Variants in PTPA observed in about 807,000 individuals in gnomAD.
The protein encoded by PTPA is serine/threonine-protein phosphatase 2A activator.
PTPA carries 13 observed loss-of-function variants against 43.6 expected under a neutral mutation model. That is an observed-to-expected ratio of 0.30 (90% CI 0.19 to 0.47). The LOEUF (loss-of-function observed/expected upper bound fraction) is 0.47, where lower values mean the gene tolerates loss of function less well. PTPA is among the 20% of genes least tolerant of loss of function. The pLI is 0.99. For missense variants in PTPA, 329 were observed against 411.9 expected, an observed-to-expected ratio of 0.80 and a Z score of 1.74; for synonymous variants, 172 against 158.2, an observed-to-expected ratio of 1.09 and a Z score of -0.66.
chr9:129,148,482 C>G lies in PTPA; in HGVS notation c.*1018C>G, dbSNP rs145141870. ...AGGTGGCAGTCCCACACCTTGTCCT[C>G]CCACCTCCCTGAACTGTCCATTGCT... On this transcript the variant is annotated 3_prime_UTR_variant, in exon 10 of 10. Coordinates refer to ENST00000393370, the MANE Select transcript of PTPA (RefSeq NM_178000.3). The G allele has an allele frequency of 4.6e-5, 7 of 152,446 alleles. No homozygotes were observed. The East Asian group carries it at 1.3e-3, about 29-fold the overall frequency. The allele number at this position is 152,446 out of a possible 1,614,324, so 9.4% of individuals were successfully genotyped here. A position where few individuals can be genotyped will look rare whatever the true frequency, so the allele number is the denominator to read the frequency against.
chr9:129,146,271 C>T (rs1007369347), intron 9 of PTPA, among the ~76,000 whole-genome samples: 1 of 152,150 alleles, frequency 6.6e-6, no homozygotes, highest in Non-Finnish European at 1.5e-5. Flanking sequence ...TGGCTGTGGC[C>T]AGGGCTCTGC....
At position 129,117,093 on chromosome 9, in the gene PTPA, G is replaced by T. The variant is rs576928247; in HGVS notation, c.32-3420G>T. ...TTTTTTGTTTTCAAGACAGGGTCTT[G>T]CTCTGTCACCCAGGCTGGAGTGCAG... On this transcript the variant is annotated intron_variant, in intron 1 of 9. Coordinates refer to ENST00000393370, the MANE Select transcript of PTPA (RefSeq NM_178000.3). Among the ~76,000 whole-genome samples the T allele has an allele frequency of 3.9e-5, 6 of 152,160 alleles. 1 individual carries two copies. In the South Asian group the frequency reaches 1.2e-3, roughly 32 times the overall value.
chr9:129,143,215 G>A (rs1851025720), intron 9 of PTPA: 1 of 656,100 alleles, frequency 1.5e-6, no homozygotes. Flanking sequence ...TTCCAAGTGG[G>A]GAGGAGACAT....
At chr9:129,127,998 C>T in intron 3 of PTPA, 1 of 1,345,274 alleles carries the variant, frequency 7.4e-7, no homozygotes, top group South Asian at 1.2e-5. Flanking sequence ...AAGGAGCAGG[C>T]TGCAAAGCAG....
intron 8 of PTPA, chr9:129,141,534 A>T (rs866651375): frequency 9.2e-5 from 14 of 152,268 alleles, no homozygotes; most frequent in African/African-American, 3.1e-4. Context: ...TAATAAATAC[A>T]AATGTGCTGG....
chr9:129,143,916 C>T (rs1851096129), intron 9 of PTPA, among the ~76,000 whole-genome samples: 3 of 151,882 alleles, frequency 2.0e-5, no homozygotes, highest in African/African-American at 7.3e-5. Flanking sequence ...CTGTGCCCCG[C>T]CTCCAGGGTG....
intron 9 of PTPA, among the ~76,000 whole-genome samples, chr9:129,145,257 G>C (rs1228779823): frequency 1.3e-5 from 2 of 151,698 alleles, no homozygotes; most frequent in Non-Finnish European, 2.9e-5. Flanking sequence ...CTTGAATTTG[G>C]GAGGTGGAGG....
intron 3 of PTPA, chr9:129,128,166 TG>T: frequency 1.3e-6 from 1 of 758,440 alleles, no homozygotes; most frequent in Non-Finnish European, 2.0e-6. Flanking sequence ...GTGTTTTAGC[TG>T]GGGTTTGAAT....
intron 6 of PTPA, among the ~76,000 whole-genome samples, chr9:129,136,219 G>A (rs1009399387): frequency 2.0e-5 from 3 of 152,102 alleles, no homozygotes; most frequent in African/African-American, 7.2e-5. Context: ...CGCCTGCCTC[G>A]GCCTCCCAAA....
intron 9 of PTPA, chr9:129,143,681 C>T (rs901598195): frequency 3.3e-5 from 16 of 482,242 alleles, no homozygotes; most frequent in South Asian, 1.8e-4. Flanking sequence ...TCCCCTTCCT[C>T]TGGACCTCAC....
At chr9:129,143,715 A>C (rs529917042) in intron 9 of PTPA, 189 of 383,774 alleles carry the variant, frequency 4.9e-4, no homozygotes, top group African/African-American at 3.6e-3. Context: ...GTTCCAGCCC[A>C]CATACCTCTC....
chr9:129,111,490 T>A lies in PTPA; in HGVS notation c.-111T>A. 1 of 1,264,834 alleles carries A rather than the reference T, an allele frequency of 7.9e-7. No individual in the cohort carries two copies. The highest frequency in any genetic ancestry group is 1.0e-6 in the Non-Finnish European group (1 of 996,894). 78.4% of individuals were successfully genotyped at this position (1,264,834 alleles called of 1,614,324 possible). A position where few individuals can be genotyped will look rare whatever the true frequency, so the allele number is the denominator to read the frequency against. On this transcript the variant is annotated 5_prime_UTR_variant, in exon 1 of 10. Coordinates refer to ENST00000393370, the MANE Select transcript of PTPA (RefSeq NM_178000.3). ...GTTATAGCCGGCCGGCGCTCACTTG[T>A]CTTCAGGAAGCTCGGAGCCTTTGGT...
chr9:129,147,711 G>A lies in PTPA; in HGVS notation c.*247G>A. ...GTGTGCTAGACTGGCCAGAAGAGAG[G>A]GTCTGGGGCCTGGTCACTCGGCCAC... is the stretch of plus-strand genomic sequence containing the variant. On this transcript the variant is annotated 3_prime_UTR_variant, in exon 10 of 10. Transcript: ENST00000393370. 2.0e-6 allele frequency: 1 copy of A among 501,052 alleles called. No homozygotes were observed. The highest frequency in any genetic ancestry group is 3.6e-6 in the Non-Finnish European group (1 of 274,654). The allele number at this position is 501,052 out of a possible 1,614,324, so 31.0% of individuals were successfully genotyped here.
chr9:129,120,577 A>C lies in PTPA; in HGVS notation c.96A>C (p.Thr32=). The C allele has an allele frequency of 6.2e-7, 1 of 1,613,834 alleles. No homozygotes were observed. Residue 32 remains threonine (T), a synonymous_variant, in exon 2 of 10, where the codon ACA becomes ACC. Transcript: ENST00000393370. The stretch of plus-strand genomic sequence containing the variant: ...TCATTCCAAAAAAGGAGATCCACAC[A>C]GTTCCAGACATGGGCAAATGGAAGC... ...NFIIPKKEIH[T]VPDMGKWKRS...
intron 4 of PTPA, among the ~76,000 whole-genome samples, chr9:129,129,475 CT>C (rs1257781749): frequency 2.1e-3 from 305 of 144,070 alleles, no homozygotes; most frequent in Middle Eastern, 3.6e-3. Context: ...TTTATTTTAT[CT>C]TTTTTTTTTT....
chr9:129,147,390 C>A lies in PTPA; in HGVS notation c.898C>A (p.Leu300Met), dbSNP rs934894125. ...CTCACCTGCTCCTTCCTCACAGTGC[C>A]TGGAGAAGTTCCCTGTGATCCAGCA... Reference protein sequence around the residue: ...GLIRMYKAECLEKFPVIQHFK... With the variant: ...GLIRMYKAECMEKFPVIQHFK... The change falls in exon 10 of 10, where the codon CTG (leucine) becomes ATG (methionine). Residue 300 changes from leucine to methionine, a missense_variant. Physicochemically the swap from Leu to Met is conservative, Grantham distance 15 (BLOSUM62 2). Coordinates refer to ENST00000393370, the MANE Select transcript of PTPA (RefSeq NM_178000.3). 3 of 1,613,788 alleles carry A rather than the reference C, an allele frequency of 1.9e-6. No homozygotes were observed. The highest frequency in any genetic ancestry group is 3.3e-5 in the Admixed American group (2 of 59,986).
intron 1 of PTPA, 74 bp from the exon 2 acceptor site, chr9:129,120,439 A>AT: frequency 5.2e-5 from 48 of 928,322 alleles, no homozygotes; most frequent in Non-Finnish European, 7.3e-5. Context: ...AAAAAAAAAA[A>AT]GGTGAAAGGG....
chr9:129,142,642 C>T (rs1333933292), intron 9 of PTPA, 90 bp downstream of exon 9: 2 of 1,566,224 alleles, frequency 1.3e-6, no homozygotes, highest in East Asian at 2.4e-5. Context: ...CCTGGGGCTC[C>T]TGCTTCCTCC....
At chr9:129,122,928 G>A (rs1588495651) in intron 2 of PTPA, 124 bp from the exon 3 acceptor site, 4 of 693,480 alleles carry the variant, frequency 5.8e-6, no homozygotes, top group African/African-American at 5.3e-5. Context: ...TATTGGGTTG[G>A]GAGTCAGGGT....
Sources: allele counts gnomAD v4.1 joint callset (sites outside exome capture counted in the v4.1 genomes callset), GRCh38; gene constraint gnomAD v4.1.1; transcripts MANE v1.5; gene names NCBI Gene and HGNC (gene_info 2026-07-23, HGNC 2026-07-21).